GABRB1: variants seen among roughly 807,000 people sequenced by gnomAD.
GABRB1 encodes gamma-aminobutyric acid type A receptor subunit beta1, also known as gamma-aminobutyric acid receptor subunit beta-1.
A neutral mutation model predicts 51.6 loss-of-function variants in GABRB1; 17 were observed. That is an observed-to-expected ratio of 0.33 (90% CI 0.23 to 0.49). The LOEUF (loss-of-function observed/expected upper bound fraction) is 0.49, where lower values mean the gene tolerates loss of function less well. Among genes scored for constraint, GABRB1 ranks in the 20% least tolerant of loss-of-function variants. The probability of loss-of-function intolerance (pLI) is 0.99; values close to 1 mark genes in which losing one functional copy is unlikely to be tolerated. For missense variants in GABRB1, 410 were observed against 600.6 expected (o/e 0.68, Z 3.32); for synonymous variants, 247 against 218.9 (o/e 1.13, Z -1.14).
At chr4:47,023,374 A>G (rs1160018505) in intron 1 of GABRB1, among the ~76,000 whole-genome samples, 5 of 151,982 alleles carry the variant, frequency 3.3e-5, no homozygotes. Flanking sequence ...GGGGATGAAT[A>G]TCCCTTTCTG....
chr4:47,414,211 G>A (rs1728844553), intron 8 of GABRB1, among the ~76,000 whole-genome samples: 1 of 152,178 alleles, frequency 6.6e-6, no homozygotes, highest in Non-Finnish European at 1.5e-5. Context: ...AATCTAGAAA[G>A]TTTATTTTGC....
chr4:47,372,678 G>A (rs988166907), intron 5 of GABRB1, among the ~76,000 whole-genome samples: 1 of 152,164 alleles, frequency 6.6e-6, no homozygotes, highest in Non-Finnish European at 1.5e-5. Flanking sequence ...GAGGAGAAAT[G>A]TCTTTGCTTA....
intron 5 of GABRB1, among the ~76,000 whole-genome samples, chr4:47,350,822 A>C (rs951041298): frequency 2.0e-5 from 3 of 152,300 alleles, no homozygotes; most frequent in African/African-American, 7.2e-5. Flanking sequence ...GAAATATTTC[A>C]TGACCCTGAT....
chr4:47,187,943 A>G (rs1719255489), intron 4 of GABRB1, among the ~76,000 whole-genome samples: 1 of 151,880 alleles, frequency 6.6e-6, no homozygotes, highest in African/African-American at 2.4e-5. Flanking sequence ...CACTTCCACC[A>G]TGCCATCTAA....
intron 5 of GABRB1, among the ~76,000 whole-genome samples, chr4:47,354,984 T>TTTTATG (rs1726505124): frequency 1.2e-5 from 1 of 86,376 alleles, no homozygotes; most frequent in African/African-American, 4.4e-5. Flanking sequence ...TCCTTTGTTT[T>TTTTATG]TTTTTTTTTT....
intron 3 of GABRB1, among the ~76,000 whole-genome samples, chr4:47,158,299 T>A (rs973185211): frequency 6.6e-6 from 1 of 152,256 alleles, no homozygotes; most frequent in East Asian, 1.9e-4. Context: ...TAAAATTGTG[T>A]ATATTTATTG....
intron 5 of GABRB1, among the ~76,000 whole-genome samples, chr4:47,327,484 A>G (rs1725302529): frequency 6.6e-6 from 1 of 152,234 alleles, no homozygotes; most frequent in South Asian, 2.1e-4. Context: ...TAATGAAACT[A>G]TGAATTTTTT....
intron 3 of GABRB1, among the ~76,000 whole-genome samples, chr4:47,081,472 G>A (rs958930508): frequency 2.0e-5 from 3 of 152,162 alleles, no homozygotes; most frequent in Non-Finnish European, 4.4e-5. Context: ...CATACATTTA[G>A]TATTACAACT....
chr4:47,007,894 AAAATCAAGTT>A (rs1724458121), intron 1 of GABRB1, among the ~76,000 whole-genome samples: 15 of 33,454 alleles, frequency 4.5e-4, no homozygotes, highest in East Asian at 1.1e-3. Context: ...ATATATATAT[AAAATCAAGTT>A]TGTATTTTTA....
chr4:46,993,783 C>A, exon 1 of GABRB1: 1 of 220,138 alleles, frequency 4.5e-6, no homozygotes, highest in Non-Finnish European at 9.2e-6. Flanking sequence ...GGATGAGGAA[C>A]GGGGTCTCTC....
Position 47,387,024 on chromosome 4 carries a change from C to T in GABRB1, c.545-16294C>T, listed in dbSNP as rs181579177. The stretch of plus-strand genomic sequence containing the variant: ...CTGATTAAAGACCTGATTCATCCTA[C>T]AGGAATATTACCAGGGAAATCTTAC... On this transcript the variant is annotated intron_variant, in intron 5 of 8. Transcript: ENST00000295454. Among the ~76,000 whole-genome samples, 315 of 152,330 alleles carry T rather than the reference C, an allele frequency of 2.1e-3. 3 individuals are homozygous for T. The highest frequency in any genetic ancestry group is 7.2e-3 in the African/African-American group (301 of 41,566).
chr4:47,175,011 T>C (rs1718613081), intron 4 of GABRB1, among the ~76,000 whole-genome samples: 1 of 137,986 alleles, frequency 7.2e-6, no homozygotes, highest in African/African-American at 2.7e-5. Context: ...TTCCTCTCTC[T>C]TCCTTCTTTC....
At chr4:47,343,324 G>A (rs1725972350) in intron 5 of GABRB1, among the ~76,000 whole-genome samples, 1 of 152,072 alleles carries the variant, frequency 6.6e-6, no homozygotes, top group South Asian at 2.1e-4. Context: ...GGTACAGGTA[G>A]GAGACAAGTC....
intron 1 of GABRB1, among the ~76,000 whole-genome samples, chr4:47,002,748 A>G (rs2109430401): frequency 6.6e-6 from 1 of 152,318 alleles, no homozygotes; most frequent in African/African-American, 2.4e-5. Flanking sequence ...CCTGAACATG[A>G]TACAGTGGTG....
chr4:47,285,425 T>C (rs903977179), intron 4 of GABRB1, among the ~76,000 whole-genome samples: 3 of 152,264 alleles, frequency 2.0e-5, no homozygotes, highest in Non-Finnish European at 2.9e-5. Flanking sequence ...AGTCAATTGT[T>C]ACATTTTTAT....
chr4:47,328,917 T>TA (rs112133227), intron 5 of GABRB1, among the ~76,000 whole-genome samples: 26,783 of 138,456 alleles, frequency 0.19, 2,420 homozygotes, highest in Non-Finnish European at 0.23. Flanking sequence ...TAAAGTATAA[T>TA]AAAAAAAAAA....
chr4:47,115,712 A>T (rs1715448154), intron 3 of GABRB1, among the ~76,000 whole-genome samples: 1 of 151,518 alleles, frequency 6.6e-6, no homozygotes, highest in African/African-American at 2.4e-5. Context: ...GGCTTTTTCT[A>T]ACACAATAAG....
chr4:47,101,775 A>C (rs1038567613), intron 3 of GABRB1, among the ~76,000 whole-genome samples: 1 of 152,054 alleles, frequency 6.6e-6, no homozygotes, highest in Non-Finnish European at 1.5e-5. Context: ...AACCAAAGCA[A>C]TCAATCAAAT....
At chr4:47,007,992 A>G (rs1285690693) in intron 1 of GABRB1, among the ~76,000 whole-genome samples, 1 of 151,700 alleles carries the variant, frequency 6.6e-6, no homozygotes, top group African/African-American at 2.4e-5. Flanking sequence ...TGGAGTGAAG[A>G]GAAGTATAGA....
Sources: allele counts gnomAD v4.1 joint callset (sites outside exome capture counted in the v4.1 genomes callset), GRCh38; gene constraint gnomAD v4.1.1; transcripts MANE v1.5; gene names NCBI Gene and HGNC (gene_info 2026-07-23, HGNC 2026-07-21).